The following DCTN1 variants were observed in gnomAD, a reference collection of about 807,000 sequenced individuals.
The protein encoded by DCTN1 is 150 kDa dynein-associated polypeptide.
DCTN1 carries 61 observed loss-of-function variants against 161.2 expected under a neutral mutation model. That is an observed-to-expected ratio of 0.38 (90% CI 0.31 to 0.47). The LOEUF is 0.47. Among genes scored for constraint, DCTN1 ranks in the 20% least tolerant of loss-of-function variants. The pLI, the probability that DCTN1 is intolerant of heterozygous loss-of-function variation, is 0.99. For synonymous variants in DCTN1, 653 were observed against 632.4 expected, an observed-to-expected ratio of 1.03 and a Z score of -0.49; for missense variants, 1,404 against 1,623.7, an observed-to-expected ratio of 0.86 and a Z score of 2.33.
At chr2:74,387,844 T>C (rs1486051758) in intron 1 of DCTN1, among the ~76,000 whole-genome samples, 1 of 152,216 alleles carries the variant, frequency 6.6e-6, no homozygotes, top group African/African-American at 2.4e-5. Flanking sequence ...CAGTGGCTTC[T>C]CTGCCCACAA....
rs994669046 is a variant in DCTN1 at position 74,366,882 on chromosome 2, A to T, written c.2367T>A (p.Thr789=). 1 of 1,614,102 alleles carries T rather than the reference A, an allele frequency of 6.2e-7. No homozygotes were observed. The highest frequency in any genetic ancestry group is 8.5e-7 in the Non-Finnish European group (1 of 1,180,044). The part of the protein sequence containing the change: ...DIALLLRDLE[T]SCSDIRQFCK... ...AGAACTGGCGGATGTCACTGCATGA[A>T]GTTTCCAGATCCCGGAGCAGGAGGG... Residue 789 remains threonine (T), a synonymous_variant, in exon 21 of 32, where the codon ACT becomes ACA. Transcript: ENST00000628224.
upstream of DCTN1, among the ~76,000 whole-genome samples, chr2:74,381,653 A>C (rs1675515156): frequency 6.6e-6 from 1 of 152,048 alleles, no homozygotes; most frequent in African/African-American, 2.4e-5. Flanking sequence ...ATTTTATAGA[A>C]CCATGGTTGA....
intron 1 of DCTN1, among the ~76,000 whole-genome samples, chr2:74,387,329 G>A (rs1280588034): frequency 4.0e-5 from 6 of 151,748 alleles, no homozygotes; most frequent in South Asian, 2.1e-4. Context: ...TTCTGTAAGC[G>A]TGGCTGGGAG....
At chr2:74,367,195 G>T in intron 19 of DCTN1, 88 bp from the exon 20 acceptor site, 2 of 1,560,790 alleles carry the variant, frequency 1.3e-6, no homozygotes, top group South Asian at 1.1e-5. Flanking sequence ...ATCCTCTGCT[G>T]ACCCCCATAC....
At position 74,368,585 on chromosome 2, in the gene DCTN1, A is replaced by C. The variant is rs971058942; in HGVS notation, c.1854+143T>G. On this transcript the variant is annotated intron_variant, in intron 16 of 31. Transcript: ENST00000628224. Reference sequence around the variant, plus strand: ...AAACACACCATTTGTAATATATATTAATCGGTGACTTTGCTGTGTTCCTCC... The same window carrying C: ...AAACACACCATTTGTAATATATATTCATCGGTGACTTTGCTGTGTTCCTCC... 46 of 1,052,494 alleles carry C rather than the reference A, an allele frequency of 4.4e-5. 1 individual carries two copies. In the South Asian group the frequency reaches 5.0e-4, roughly 11 times the overall value. 65.2% of individuals were successfully genotyped at this position (1,052,494 alleles called of 1,614,324 possible).
Position 74,367,758 on chromosome 2 carries a change from T to C in DCTN1, c.2122A>G (p.Lys708Glu), listed in dbSNP as rs942958459. 1.2e-6 allele frequency: 2 copies of C among 1,614,192 alleles called. No individual in the cohort carries two copies. The highest frequency in any genetic ancestry group is 2.2e-5 in the South Asian group (2 of 91,084). ...TTGACAGTCTCATCCAGCTGATCCT[T>C]GTGCAGCAGTTCAATGAGGAAATCC... ...SLDFLIELLHKDQLDETVNVE... is the reference protein window; with the variant it reads ...SLDFLIELLHEDQLDETVNVE... Residue 708 changes from lysine to glutamate, a missense_variant, in exon 18 of 32, where the codon AAG (lysine) becomes GAG (glutamate). This residue lies in a region of DCTN1 where 475 missense variants were observed against 489.8 expected (regional missense o/e 0.97). Transcript: ENST00000628224.
At position 74,365,497 on chromosome 2, in the gene DCTN1, C is replaced by A; in HGVS notation, c.3029+18G>T. ...TGGGAGGATTAGAGGAAGCAAGGCC[C>A]CAGGGAAAGTGCCTGACTTCTCCTT... On this transcript the variant is annotated intron_variant, in intron 25 of 31. Coordinates refer to ENST00000628224, the MANE Select transcript of DCTN1 (RefSeq NM_004082.5). 6.2e-7 allele frequency: 1 copy of A among 1,614,100 alleles called. No homozygotes were observed. Among genetic ancestry groups the A allele is most frequent in the Non-Finnish European group, 8.5e-7 (1 of 1,179,994 alleles).
At chr2:74,385,019 T>A (rs561414763), upstream of DCTN1, 1 of 152,318 alleles carries the variant, frequency 6.6e-6, no homozygotes, top group South Asian at 2.1e-4. Context: ...GAAGACAACG[T>A]ACACAGAGCT....
chr2:74,375,885 C>CA (rs1320173736), intron 5 of DCTN1, among the ~76,000 whole-genome samples: 1 of 152,210 alleles, frequency 6.6e-6, no homozygotes, highest in East Asian at 1.9e-4. Context: ...CAGCCCCAAT[C>CA]CAGCAGCTCT....
Position 74,361,450 on chromosome 2 carries a change from C to T in DCTN1, c.*49G>A, listed in dbSNP as rs368049781. ...TGAGGTGGCTGTGCATCGGGCAGAG[C>T]GGCACCAGAGGGCTGAGGGTCGAAG... On this transcript the variant is annotated 3_prime_UTR_variant, in exon 32 of 32. Transcript: ENST00000628224. The T allele has an allele frequency of 7.3e-5, 118 of 1,612,168 alleles. No individual in the cohort carries two copies. Among genetic ancestry groups the T allele is most frequent in the Non-Finnish European group, 6.8e-5 (80 of 1,179,670 alleles).
rs150906280 is a variant in DCTN1 at position 74,363,592 on chromosome 2, C to G, written c.3211+22G>C. Reference sequence around the variant, plus strand: ...TCCAACTCCCACCAGCCTGGTAACCCCCGGCCAGAGTGGGTCTCTACCTCG... The same window carrying G: ...TCCAACTCCCACCAGCCTGGTAACCGCCGGCCAGAGTGGGTCTCTACCTCG... On this transcript the variant is annotated intron_variant, in intron 27 of 31. Coordinates refer to ENST00000628224, the MANE Select transcript of DCTN1 (RefSeq NM_004082.5). 4.9e-5 allele frequency: 79 copies of G among 1,613,106 alleles called. No homozygotes were observed. The African/African-American group carries it at 9.9e-4, about 20-fold the overall frequency.
intron 5 of DCTN1, among the ~76,000 whole-genome samples, chr2:74,375,161 C>T (rs1259003627): frequency 7.2e-5 from 11 of 152,204 alleles, no homozygotes; most frequent in Admixed American, 4.6e-4. Flanking sequence ...CGAAACCCTG[C>T]GGAACACGCA....
Position 74,363,117 on chromosome 2 carries a change from G to A in DCTN1, c.3406C>T (p.His1136Tyr). 1 of 1,613,984 alleles carries A rather than the reference G, an allele frequency of 6.2e-7. No homozygotes were observed. Among genetic ancestry groups the A allele is most frequent in the Non-Finnish European group, 8.5e-7 (1 of 1,179,918 alleles). The change falls in exon 29 of 32, where the codon CAT becomes TAT. Residue 1136 changes from histidine (H) to tyrosine (Y), a missense_variant. Around this residue, in one of 9 missense-constraint regions of DCTN1, gnomAD observed 311 missense variants for 298.9 expected, o/e 1.04. Transcript: ENST00000628224. The stretch of plus-strand genomic sequence containing the variant: ...GGTAACTCACTGCCAGGGCCCTCAT[G>A]GGATAGCTTTGCAACATGCAGAGGG... The part of the protein sequence containing the change: ...LPPLHVAKLS[H>Y]EGPGSELPAG...
At chr2:74,375,813 C>G (rs1243671131) in intron 5 of DCTN1, among the ~76,000 whole-genome samples, 1 of 152,174 alleles carries the variant, frequency 6.6e-6, no homozygotes, top group Non-Finnish European at 1.5e-5. Context: ...CTCCAAAGGA[C>G]CCATCACCAA....
chr2:74,385,279 GCTTCA>G (rs1449994280), upstream of DCTN1: 10 of 152,336 alleles, frequency 6.6e-5, no homozygotes, highest in Admixed American at 5.9e-4. Context: ...TATGCTATAT[GCTTCA>G]CTTATCTTCA....
rs768268418 is a variant in DCTN1 at position 74,371,589 on chromosome 2, G to A, written c.593C>T (p.Thr198Met). 22 of 1,588,310 alleles carry A rather than the reference G, an allele frequency of 1.4e-5. No individual in the cohort carries two copies. The highest frequency in any genetic ancestry group is 1.9e-4 in the Middle Eastern group (1 of 5,330). The change falls in exon 8 of 32, where the codon ACG (threonine) becomes ATG (methionine). Residue 198 changes from threonine to methionine, a missense_variant. Physicochemically the swap from Thr to Met is moderately conservative, Grantham distance 81. This residue lies in a region of DCTN1 where 174 missense variants were observed against 175.6 expected (regional missense o/e 0.99). Transcript: ENST00000628224. ...TGCTCCAGGAGAGGTGAGGACCGGC[G>A]TGGGGATGATGGGTGCTGCCAGCGG... ...QTPLAAPIIP[T>M]PVLTSPGAVP...
intron 29 of DCTN1, 101 bp downstream of exon 29, chr2:74,362,893 G>A: frequency 7.1e-7 from 1 of 1,413,784 alleles, no homozygotes. Context: ...ACACTGCTGG[G>A]AAGAGCTTCT....
At chr2:74,372,270 C>A (rs1000625652) in intron 7 of DCTN1, among the ~76,000 whole-genome samples, 21 of 152,344 alleles carry the variant, frequency 1.4e-4, no homozygotes, top group Admixed American at 3.9e-4. Context: ...CAAGCTGAAT[C>A]TCCCTCTCTC....
At chr2:74,382,594 C>CAAAA (rs567355218), upstream of DCTN1, among the ~76,000 whole-genome samples, 3 of 66,966 alleles carry the variant, frequency 4.5e-5, no homozygotes, top group African/African-American at 1.5e-4. Context: ...GACTGAGACT[C>CAAAA]AAAAAAAAAA....
Sources: allele counts gnomAD v4.1 joint callset (sites outside exome capture counted in the v4.1 genomes callset), GRCh38; gene constraint gnomAD v4.1.1; regional missense constraint gnomAD v4.1.1; transcripts MANE v1.5; gene names NCBI Gene and HGNC (gene_info 2026-07-23, HGNC 2026-07-21).